Variants in ESRRG observed in about 807,000 individuals in gnomAD.
ESRRG encodes the protein estrogen-related receptor gamma.
A neutral mutation model predicts 44.0 loss-of-function variants in ESRRG; 13 were observed. The ratio of observed to expected loss-of-function variants is 0.30; its 90% CI spans 0.19 to 0.47. The LOEUF is 0.47. Among genes scored for constraint, ESRRG ranks in the 20% least tolerant of loss-of-function variants. The pLI, the probability that ESRRG is intolerant of heterozygous loss-of-function variation, is 1.00. For missense variants in ESRRG, 395 were observed against 580.6 expected, an observed-to-expected ratio of 0.68 and a Z score of 3.29; for synonymous variants, 215 against 214.6, an observed-to-expected ratio of 1.00 and a Z score of -0.02.
intron 2 of ESRRG, among the ~76,000 whole-genome samples, chr1:216,807,174 A>C (rs907538727): frequency 2.0e-5 from 3 of 152,166 alleles, no homozygotes; most frequent in Non-Finnish European, 4.4e-5. Flanking sequence ...TTGGAGAACA[A>C]TTTGGAAGTC....
chr1:216,854,488 C>G (rs1324772291), intron 2 of ESRRG, among the ~76,000 whole-genome samples: 1 of 151,186 alleles, frequency 6.6e-6, no homozygotes, highest in African/African-American at 2.4e-5. Flanking sequence ...AAGCATCTAA[C>G]GAATACCAGG....
intron 1 of ESRRG, among the ~76,000 whole-genome samples, chr1:217,126,435 C>T (rs1483570165): frequency 6.6e-6 from 1 of 152,088 alleles, no homozygotes; most frequent in African/African-American, 2.4e-5. Flanking sequence ...AGATAAAATG[C>T]CTGAACCAAC....
At chr1:217,038,127 G>T (rs752809112) in intron 1 of ESRRG, among the ~76,000 whole-genome samples, 6 of 152,144 alleles carry the variant, frequency 3.9e-5, no homozygotes, top group Non-Finnish European at 7.3e-5. Context: ...CTGAGGCCTG[G>T]AGGATGGTGG....
chr1:216,938,620 C>T (rs1014491168), intron 2 of ESRRG, among the ~76,000 whole-genome samples: 6 of 152,192 alleles, frequency 3.9e-5, no homozygotes, highest in African/African-American at 1.4e-4. Context: ...CTGCTGAATG[C>T]TGTTCAAAAA....
chr1:216,843,335 C>T (rs1343974593), intron 2 of ESRRG, among the ~76,000 whole-genome samples: 1 of 151,812 alleles, frequency 6.6e-6, no homozygotes, highest in Non-Finnish European at 1.5e-5. Flanking sequence ...TTCCACAGGG[C>T]TCTACAAAAT....
At chr1:216,565,210 T>A (rs2059473324) in intron 4 of ESRRG, among the ~76,000 whole-genome samples, 1 of 152,144 alleles carries the variant, frequency 6.6e-6, no homozygotes, top group African/African-American at 2.4e-5. Context: ...TCACATCAAA[T>A]GTGTTTTATT....
At chr1:217,048,110 G>A (rs2085218994) in intron 1 of ESRRG, among the ~76,000 whole-genome samples, 2 of 152,262 alleles carry the variant, frequency 1.3e-5, no homozygotes, top group South Asian at 4.1e-4. Flanking sequence ...GAGTAGAGGT[G>A]AAGGGAAACA....
chr1:216,860,061 C>T (rs1015748377), intron 2 of ESRRG, among the ~76,000 whole-genome samples: 1 of 152,024 alleles, frequency 6.6e-6, no homozygotes, highest in Non-Finnish European at 1.5e-5. Flanking sequence ...GCCAGGAGTT[C>T]GAGACCAGCC....
intron 1 of ESRRG, among the ~76,000 whole-genome samples, chr1:216,706,713 A>G (rs2082531263): frequency 6.6e-6 from 1 of 152,224 alleles, no homozygotes; most frequent in South Asian, 2.1e-4. Context: ...CCGATTGGCA[A>G]TGGTGCCCTG....
At chr1:216,763,903 A>G (rs2092931843) in intron 2 of ESRRG, among the ~76,000 whole-genome samples, 1 of 152,198 alleles carries the variant, frequency 6.6e-6, no homozygotes, top group South Asian at 2.1e-4. Flanking sequence ...TTATGAGAAT[A>G]TTTAGCACCG....
intron 1 of ESRRG, among the ~76,000 whole-genome samples, chr1:216,983,040 T>TG (rs1553753369): frequency 1.3e-5 from 2 of 151,640 alleles, no homozygotes; most frequent in African/African-American, 4.8e-5. Context: ...TGTTTTTTTT[T>TG]TTTTTTTTTT....
chr1:217,121,861 G>A (rs559059709), intron 1 of ESRRG, among the ~76,000 whole-genome samples: 2 of 152,266 alleles, frequency 1.3e-5, no homozygotes, highest in East Asian at 3.9e-4. Context: ...ACCTACTAGT[G>A]ACCACATTAT....
intron 2 of ESRRG, among the ~76,000 whole-genome samples, chr1:216,810,224 C>T (rs1442700838): frequency 6.6e-6 from 1 of 152,156 alleles, no homozygotes; most frequent in Non-Finnish European, 1.5e-5. Flanking sequence ...CAAGACATGC[C>T]TCCATGCCTT....
chr1:216,669,515 T>C (rs562132559), intron 2 of ESRRG, among the ~76,000 whole-genome samples: 4 of 152,224 alleles, frequency 2.6e-5, no homozygotes, highest in East Asian at 1.9e-4. Context: ...GCAACTTTAA[T>C]GCATTTCAAA....
chr1:217,117,967 A>G (rs78914224), intron 1 of ESRRG, among the ~76,000 whole-genome samples: 1,980 of 152,344 alleles, frequency 0.013, 51 homozygotes, highest in African/African-American at 0.044. Flanking sequence ...CCTTGCTTTC[A>G]AAAATTCATC....
intron 2 of ESRRG, among the ~76,000 whole-genome samples, chr1:216,931,620 AG>A (rs2063350758): frequency 6.6e-6 from 1 of 152,056 alleles, no homozygotes; most frequent in Non-Finnish European, 1.5e-5. Flanking sequence ...TGCCCTCCTC[AG>A]GGTTCTCCTG....
intron 1 of ESRRG, among the ~76,000 whole-genome samples, chr1:216,948,172 C>T (rs1474815634): frequency 6.6e-6 from 1 of 152,146 alleles, no homozygotes; most frequent in Admixed American, 6.5e-5. Flanking sequence ...TGTAACTAAA[C>T]ACTCTCTTTC....
At chr1:216,753,026 A>G (rs2092170129) in intron 2 of ESRRG, among the ~76,000 whole-genome samples, 1 of 152,108 alleles carries the variant, frequency 6.6e-6, no homozygotes, top group African/African-American at 2.4e-5. Context: ...AACCACCAGT[A>G]AGTTTATACC....
intron 2 of ESRRG, among the ~76,000 whole-genome samples, chr1:216,917,885 C>T (rs529335458): frequency 6.6e-6 from 1 of 152,304 alleles, no homozygotes; most frequent in South Asian, 2.1e-4. Flanking sequence ...ATCTTCACCT[C>T]TTTTTAAATA....
Sources: allele counts gnomAD v4.1 joint callset (sites outside exome capture counted in the v4.1 genomes callset), GRCh38; gene constraint gnomAD v4.1.1; transcripts MANE v1.5; gene names NCBI Gene and HGNC (gene_info 2026-07-23, HGNC 2026-07-21).